RMDN3: variants seen among roughly 807,000 people sequenced by gnomAD.
The protein encoded by RMDN3 is regulator of microtubule dynamics protein 3.
Under a neutral mutation model 61.8 loss-of-function variants are expected in RMDN3, and 41 were observed. That is an observed-to-expected ratio of 0.66 (90% CI 0.52 to 0.86). RMDN3 has a LOEUF of 0.86. RMDN3 is among the 40% of genes least tolerant of loss of function. The probability of loss-of-function intolerance (pLI) is 0.00; values close to 1 mark genes in which losing one functional copy is unlikely to be tolerated. For synonymous variants in RMDN3, 247 were observed against 232.0 expected (o/e 1.06, Z -0.59); for missense variants, 557 against 585.3 (o/e 0.95, Z 0.50).
chr15:40,744,095 A>G lies in RMDN3; in HGVS notation c.862T>C (p.Cys288Arg). 6.2e-7 allele frequency: 1 copy of G among 1,613,736 alleles called. No homozygotes were observed. The highest frequency in any genetic ancestry group is 8.5e-7 in the Non-Finnish European group (1 of 1,180,000). ...TCGCTCACCTCCTCAGTGAGCTCACACATGTCACTGTAGGCTCGGGCCAGG... is the reference window on the plus strand; with the variant it reads ...TCGCTCACCTCCTCAGTGAGCTCACGCATGTCACTGTAGGCTCGGGCCAGG... ...WRLARAYSDM[C>R]ELTEEVSEKK... is the part of the protein sequence containing the mutation. Residue 288 changes from cysteine to arginine, a missense_variant, in exon 6 of 13, where the codon TGT (cysteine) becomes CGT (arginine). Transcript: ENST00000338376.
intron 8 of RMDN3, among the ~76,000 whole-genome samples, 186 bp from the exon 9 acceptor site, chr15:40,738,228 A>AGAT (rs970381023): frequency 2.2e-4 from 33 of 152,304 alleles, no homozygotes; most frequent in African/African-American, 7.9e-4. Flanking sequence ...TCTGTGCTAA[A>AGAT]GATACAAAAA....
chr15:40,741,620 ATTTTTT>A (rs553262858), intron 6 of RMDN3, among the ~76,000 whole-genome samples: 34 of 71,732 alleles, frequency 4.7e-4, no homozygotes, highest in South Asian at 7.7e-4. Context: ...GCAACATAGG[ATTTTTT>A]TTTTTTTTTT....
chr15:40,748,686 A>AC (rs1897682550), intron 4 of RMDN3, among the ~76,000 whole-genome samples: 1 of 151,612 alleles, frequency 6.6e-6, no homozygotes, highest in Non-Finnish European at 1.5e-5. Context: ...AGCAAACTCC[A>AC]CCCCCTGGGT....
chr15:40,745,884 C>T (rs12372947), intron 4 of RMDN3, among the ~76,000 whole-genome samples: 1 of 151,958 alleles, frequency 6.6e-6, no homozygotes, highest in South Asian at 2.1e-4. Flanking sequence ...TCCACAAACT[C>T]GCAACCTCTG....
rs148669324 is a variant in RMDN3 at position 40,738,022 on chromosome 15, A to C, written c.1068T>G (p.Ile356Met). ...CCATGGGGTTTTCTGGCTGGAGAGCAATGGCTTTGTCCACATGCTCCTAAG... is the reference window on the plus strand; with the variant it reads ...CCATGGGGTTTTCTGGCTGGAGAGCCATGGCTTTGTCCACATGCTCCTAAG... ...FSFKEHVDKA[I>M]ALQPENPMAH... is the part of the protein sequence containing the mutation. Residue 356 changes from isoleucine to methionine, a missense_variant, in exon 9 of 13, where the codon ATT becomes ATG. Physicochemically the swap from Ile to Met is conservative, Grantham distance 10. Transcript: ENST00000338376. The C allele has an allele frequency of 3.1e-6, 5 of 1,614,078 alleles. No homozygotes were observed. In the African/African-American group the frequency reaches 6.7e-5, roughly 22 times the overall value.
chr15:40,737,982 CAAG>C lies in RMDN3; in HGVS notation c.1105_1107del (p.Leu369del). 1 of 1,614,152 alleles carries C rather than the reference CAAG, an allele frequency of 6.2e-7. No homozygotes were observed. The highest frequency in any genetic ancestry group is 8.5e-7 in the Non-Finnish European group (1 of 1,180,022). Reference sequence around the variant, plus strand: ...CAGCTTACCTGATAGCACCACCTGCCAAGAAGAAAGTGAGCCATGGGGTTTTCT... The same window carrying C: ...CAGCTTACCTGATAGCACCACCTGCCAAGAAAGTGAGCCATGGGGTTTTCT... On this transcript the variant is annotated inframe_deletion, in exon 9 of 13. Coordinates refer to ENST00000338376, the MANE Select transcript of RMDN3 (RefSeq NM_018145.3).
Position 40,736,420 on chromosome 15 carries a change from AG to A in RMDN3, c.*120del. The A allele has an allele frequency of 1.2e-6, 1 of 823,742 alleles. No individual in the cohort carries two copies. The highest frequency in any genetic ancestry group is 1.7e-5 in the African/African-American group (1 of 58,590). 51.0% of individuals were successfully genotyped at this position (823,742 alleles called of 1,614,324 possible). ...CTAATGGGGAGTGGTAGTGGGTAGCAGTCAGACCCAGGAGACAGATTTGTGT... is the reference window on the plus strand; with the variant it reads ...CTAATGGGGAGTGGTAGTGGGTAGCATCAGACCCAGGAGACAGATTTGTGT... On this transcript the variant is annotated 3_prime_UTR_variant, in exon 13 of 13. Transcript: ENST00000338376.
rs116140820 is a variant in RMDN3, at chr15:40,740,294, A to G, written c.911-101T>C. ...ACTGCTTTAGCTCTCACCAATCCCTACCCAGCTTGGACTTGTTTGGAAATA... is the reference window on the plus strand; with the variant it reads ...ACTGCTTTAGCTCTCACCAATCCCTGCCCAGCTTGGACTTGTTTGGAAATA... On this transcript the variant is annotated intron_variant, in intron 6 of 12. Transcript: ENST00000338376. 601 of 804,908 alleles carry G rather than the reference A, an allele frequency of 7.5e-4. 5 individuals are homozygous for G. In the African/African-American group the frequency reaches 8.9e-3, roughly 12 times the overall value. The allele number at this position is 804,908 out of a possible 1,614,324, so 49.9% of individuals were successfully genotyped here. A position where few individuals can be genotyped will look rare whatever the true frequency, so the allele number is the denominator to read the frequency against.
chr15:40,744,500 T>TG (rs61645498), intron 5 of RMDN3, among the ~76,000 whole-genome samples: 3,254 of 131,310 alleles, frequency 0.025, 81 homozygotes, highest in African/African-American at 0.059. Flanking sequence ...TTCTAACTTC[T>TG]GGGGGGGGGG....
chr15:40,742,124 A>G (rs949852777), intron 6 of RMDN3, among the ~76,000 whole-genome samples: 1 of 150,628 alleles, frequency 6.6e-6, no homozygotes, highest in Admixed American at 6.6e-5. Context: ...GGCTGAAACA[A>G]TCCTCCTGCT....
chr15:40,739,117 C>T (rs1897180561), intron 7 of RMDN3: 1 of 152,494 alleles, frequency 6.6e-6, no homozygotes, highest in Non-Finnish European at 1.5e-5. Flanking sequence ...GAAGAAAGAC[C>T]TCCTATATAT....
chr15:40,746,900 G>T (rs373523573), intron 4 of RMDN3, among the ~76,000 whole-genome samples: 4 of 151,222 alleles, frequency 2.6e-5, no homozygotes, highest in African/African-American at 9.7e-5. Context: ...AACACCTTTA[G>T]AAATCAAAGG....
intron 8 of RMDN3, 135 bp downstream of exon 8, chr15:40,738,366 A>C: frequency 6.2e-6 from 5 of 805,780 alleles, no homozygotes; most frequent in Middle Eastern, 4.6e-4. Context: ...TGGGCGATAG[A>C]GTGAGACTCT....
intron 9 of RMDN3, 97 bp from the exon 10 acceptor site, chr15:40,737,823 G>T: frequency 6.8e-7 from 1 of 1,462,472 alleles, no homozygotes; most frequent in Non-Finnish European, 9.5e-7. Context: ...AAACGGGGCT[G>T]GGTCGAACCA....
chr15:40,754,127 C>CTTTTTTTTTTT (rs71428308), intron 2 of RMDN3, among the ~76,000 whole-genome samples: 10 of 123,842 alleles, frequency 8.1e-5, no homozygotes, highest in East Asian at 2.5e-4. Context: ...ACCACGACTG[C>CTTTTTTTTTTT]TTTTTTTTTT....
intron 12 of RMDN3, 78 bp downstream of exon 12, chr15:40,737,046 T>C (rs1482741385): frequency 2.6e-6 from 3 of 1,133,810 alleles, no homozygotes; most frequent in East Asian, 2.3e-5. Context: ...AGAGATGGGG[T>C]TTCTCCATGT....
Position 40,754,810 on chromosome 15 carries a change from C to G in RMDN3, c.-7-20G>C, listed in dbSNP as rs1897976071. On this transcript the variant is annotated intron_variant, in intron 1 of 12. Transcript: ENST00000338376. ...CTGCACCTGCGGCCAGCAGAAGTCA[C>G]CGGGAGCAGGCAGGCGGGCGGGCGG... 1.0e-6 allele frequency: 1 copy of G among 1,003,420 alleles called. No individual in the cohort carries two copies. The allele number at this position is 1,003,420 out of a possible 1,614,324, so 62.2% of individuals were successfully genotyped here. A position where few individuals can be genotyped will look rare whatever the true frequency, so the allele number is the denominator to read the frequency against.
intron 6 of RMDN3, among the ~76,000 whole-genome samples, chr15:40,742,171 G>GT (rs896797307): frequency 0.062 from 8,321 of 134,950 alleles, 563 homozygotes; most frequent in African/African-American, 0.16. Flanking sequence ...AATTTTTTAA[G>GT]TTTTTTTTTT....
At position 40,736,197 on chromosome 15, in the gene RMDN3, G is replaced by C. The variant is rs1897033738; in HGVS notation, c.*344C>G. The C allele has an allele frequency of 3.4e-6, 1 of 294,536 alleles. No homozygotes were observed. The highest frequency in any genetic ancestry group is 6.6e-5 in the East Asian group (1 of 15,250). 18.2% of individuals were successfully genotyped at this position (294,536 alleles called of 1,614,324 possible). On this transcript the variant is annotated 3_prime_UTR_variant, in exon 13 of 13. Coordinates refer to ENST00000338376, the MANE Select transcript of RMDN3 (RefSeq NM_018145.3). ...ATTAAAGTGACAAGTTATGTGCTTTGTTCCTATAGCTTTGAAGTTCATCCA... is the reference window on the plus strand; with the variant it reads ...ATTAAAGTGACAAGTTATGTGCTTTCTTCCTATAGCTTTGAAGTTCATCCA...
Sources: gnomAD v4.1 joint callset for allele counts (sites outside exome capture counted in the v4.1 genomes callset) on GRCh38, gnomAD v4.1.1 for gene constraint, MANE v1.5 for transcripts, NCBI Gene and HGNC (gene_info 2026-07-23, HGNC 2026-07-21) for gene names.